The following MTERF4 variants were observed in gnomAD, a reference collection of about 807,000 sequenced individuals.
The protein encoded by MTERF4 is mitochondrial transcription termination factor 4.
MTERF4 carries 17 observed loss-of-function variants against 22.5 expected under a neutral mutation model. The ratio of observed to expected loss-of-function variants is 0.75; its 90% CI spans 0.52 to 1.13. The LOEUF (loss-of-function observed/expected upper bound fraction) is 1.13. MTERF4 is among the 50% of genes most tolerant of loss of function. The probability of loss-of-function intolerance (pLI) is 0.00; values close to 1 mark genes in which losing one functional copy is unlikely to be tolerated. For synonymous variants in MTERF4, 165 were observed against 175.3 expected (o/e 0.94, Z 0.47); for missense variants, 420 against 466.8 (o/e 0.90, Z 0.92).
At chr2:241,070,395 G>A (rs546116193), downstream of MTERF4, among the ~76,000 whole-genome samples, 1 of 152,374 alleles carries the variant, frequency 6.6e-6, no homozygotes, top group Non-Finnish European at 1.5e-5. Flanking sequence ...AGGACTCATG[G>A]GCAGGTGGCA....
At chr2:241,059,655 CA>C in the MTERF4 span, among the ~76,000 whole-genome samples, 1 of 152,234 alleles carries the variant, frequency 6.6e-6, no homozygotes, top group African/African-American at 2.4e-5. Context: ...TGTACTTCAT[CA>C]TATTAGGAGA....
At chr2:241,056,781 C>T in the MTERF4 span, among the ~76,000 whole-genome samples, 1 of 151,132 alleles carries the variant, frequency 6.6e-6, no homozygotes, top group Non-Finnish European at 1.5e-5. Context: ...CAGGGTTTCA[C>T]CGTGTTAGCC....
At chr2:241,081,739 G>GA (rs1302138809) in intron 4 of MTERF4, 1 of 1,608,820 alleles carries the variant, frequency 6.2e-7, no homozygotes, top group Non-Finnish European at 8.5e-7. Flanking sequence ...GCCGGGCGCA[G>GA]ACGCCCACAG....
chr2:241,062,839 A>G, the MTERF4 span: 1 of 1,612,058 alleles, frequency 6.2e-7, no homozygotes, highest in Non-Finnish European at 8.5e-7. Flanking sequence ...GGCTCTTGTC[A>G]GGACCGCGTT....
downstream of MTERF4, chr2:241,089,361 C>T (rs745333252): frequency 3.1e-5 from 48 of 1,550,260 alleles, no homozygotes; most frequent in Middle Eastern, 1.7e-4. Flanking sequence ...TGTTTTGTTA[C>T]GTGCCTAAAA....
At chr2:241,070,045 A>G, downstream of MTERF4, 1 of 1,613,040 alleles carries the variant, frequency 6.2e-7, no homozygotes. Context: ...CACCAGCCAG[A>G]GCACCAAGAG....
chr2:241,056,450 A>C, the MTERF4 span, among the ~76,000 whole-genome samples: 2 of 151,306 alleles, frequency 1.3e-5, no homozygotes, highest in Non-Finnish European at 2.9e-5. Flanking sequence ...AACAAAATGG[A>C]TACAACAAAA....
At chr2:241,079,677 T>C (rs1430296386) in intron 4 of MTERF4, among the ~76,000 whole-genome samples, 1 of 152,108 alleles carries the variant, frequency 6.6e-6, no homozygotes, top group Non-Finnish European at 1.5e-5. Context: ...AGGCAACACC[T>C]AAAAATTGAA....
intron 1 of MTERF4, chr2:241,101,332 A>C: frequency 3.0e-6 from 1 of 328,936 alleles, no homozygotes. Flanking sequence ...CTCCAGTGAG[A>C]ATCTAAGGCG....
At chr2:241,087,248 A>G (rs986483706), downstream of MTERF4, 437 of 646,338 alleles carry the variant, frequency 6.8e-4, 1 homozygote, top group Non-Finnish European at 1.5e-4. Context: ...TAATACATCA[A>G]TAGGAGGTCA....
the MTERF4 span, among the ~76,000 whole-genome samples, chr2:241,046,866 C>G: frequency 6.6e-6 from 1 of 152,154 alleles, no homozygotes; most frequent in African/African-American, 2.4e-5. Context: ...CAAAAAGTAG[C>G]TGGCGTGGTG....
rs187375896 is a variant in MTERF4 at position 241,081,352 on chromosome 2, G to A, written n.480-5670C>T. ...GGGTGGGGAGGGGCCACAGGCCAGT[G>A]GGGGCTCAGCACTGAAGGCCCCGCT... On this transcript the variant is annotated intron_variant and non_coding_transcript_variant, in intron 4 of 4. Transcript: ENST00000464344. Among the ~76,000 whole-genome samples, 758 of 152,280 alleles carry A rather than the reference G, an allele frequency of 5.0e-3. 12 individuals are homozygous for A. The highest frequency in any genetic ancestry group is 6.3e-3 in the Non-Finnish European group (431 of 68,014).
At chr2:241,064,625 C>T in the MTERF4 span, among the ~76,000 whole-genome samples, 8 of 152,168 alleles carry the variant, frequency 5.3e-5, no homozygotes, top group South Asian at 4.1e-4. The surrounding 1 kb of genome is among the most constrained non-coding windows in gnomAD (Gnocchi z 7.0). Context: ...TCAGCCAGTC[C>T]GGCTGGTGGC....
the MTERF4 span, chr2:241,049,198 G>T: frequency 1.5e-6 from 2 of 1,310,292 alleles, no homozygotes; most frequent in Non-Finnish European, 2.2e-6. Flanking sequence ...GGAGAAAGCG[G>T]TGGATGAGGC....
chr2:241,063,572 C>T, the MTERF4 span: 2 of 1,548,126 alleles, frequency 1.3e-6, no homozygotes, highest in East Asian at 4.6e-5. Context: ...CCCTTGACAC[C>T]CCTTCTCTGT....
chr2:241,086,353 C>T (rs928792371), downstream of MTERF4, among the ~76,000 whole-genome samples: 6 of 62,026 alleles, frequency 9.7e-5, no homozygotes, highest in African/African-American at 5.6e-4. Flanking sequence ...CTGCATAGTT[C>T]CCTCCTCTTC....
downstream of MTERF4, among the ~76,000 whole-genome samples, chr2:241,083,474 G>A (rs114547068): frequency 3.7e-3 from 563 of 152,344 alleles, 1 homozygote; most frequent in Middle Eastern, 0.01. Flanking sequence ...AGAATGGGAT[G>A]TAGACGGGCA....
At chr2:241,070,800 G>C (rs2062671900), downstream of MTERF4, among the ~76,000 whole-genome samples, 1 of 152,232 alleles carries the variant, frequency 6.6e-6, no homozygotes, top group Non-Finnish European at 1.5e-5. Flanking sequence ...GTGGGAAAAT[G>C]CAGGAGCAGA....
At chr2:241,052,227 C>G in the MTERF4 span, 7 of 1,497,872 alleles carry the variant, frequency 4.7e-6, no homozygotes, top group Non-Finnish European at 6.5e-6. Flanking sequence ...AAAACAGGCC[C>G]ATGGGCAGGG....
Sources: allele counts gnomAD v4.1 joint callset (sites outside exome capture counted in the v4.1 genomes callset), GRCh38; gene constraint gnomAD v4.1.1; non-coding constraint Gnocchi (gnomAD v3.1); transcripts MANE v1.5; gene names NCBI Gene and HGNC (gene_info 2026-07-23, HGNC 2026-07-21).